Variants in ZNF33B observed in about 807,000 individuals in gnomAD.
The protein encoded by ZNF33B is zinc finger protein 11b (KOX 2).
A neutral mutation model predicts 45.8 loss-of-function variants in ZNF33B; 29 were observed. The observed-to-expected ratio is 0.63, with a 90% CI of 0.47 to 0.86. The LOEUF is 0.86. Among genes scored for constraint, ZNF33B ranks in the 40% least tolerant of loss-of-function variants. The pLI is 0.00. For synonymous variants in ZNF33B, 305 were observed against 307.8 expected (o/e 0.99, Z 0.10); for missense variants, 831 against 909.9 (o/e 0.91, Z 1.12).
chr10:42,584,149 CAGG>C (rs1156525932), downstream of ZNF33B, among the ~76,000 whole-genome samples: 1 of 152,158 alleles, frequency 6.6e-6, no homozygotes, highest in Non-Finnish European at 1.5e-5. Context: ...TGAGTTGTGC[CAGG>C]AGATCTCTCC....
intron 4 of ZNF33B, among the ~76,000 whole-genome samples, chr10:42,612,412 T>G (rs1002246467): frequency 2.0e-5 from 3 of 151,982 alleles, no homozygotes; most frequent in Non-Finnish European, 2.9e-5. Context: ...TATTTGGTAT[T>G]TTTAATAGAG....
intron 1 of ZNF33B, among the ~76,000 whole-genome samples, chr10:42,577,240 A>C (rs1442841897): frequency 6.6e-6 from 1 of 152,022 alleles, no homozygotes; most frequent in Non-Finnish European, 1.5e-5. Context: ...ACCAGAAATG[A>C]AAGTAAACAC....
At chr10:42,605,816 C>T (rs1837818808) in intron 4 of ZNF33B, among the ~76,000 whole-genome samples, 2 of 152,282 alleles carry the variant, frequency 1.3e-5, no homozygotes, top group African/African-American at 4.8e-5. Flanking sequence ...ATAAGGCAGG[C>T]TAGGCATGGT....
intron 4 of ZNF33B, among the ~76,000 whole-genome samples, chr10:42,611,890 C>A (rs189196388): frequency 6.6e-6 from 1 of 152,318 alleles, no homozygotes; most frequent in East Asian, 1.9e-4. Context: ...CATGCCTGTA[C>A]AAACACAGAA....
chr10:42,637,044 TAAG>T (rs1839337980), intron 1 of ZNF33B, 72 bp from the exon 2 acceptor site: 1 of 1,469,586 alleles, frequency 6.8e-7, no homozygotes, highest in Admixed American at 1.8e-5. Flanking sequence ...TCTTCTGCCC[TAAG>T]AAGCCATACA....
At chr10:42,580,626 T>C (rs1323876768) in intron 1 of ZNF33B, among the ~76,000 whole-genome samples, 3 of 151,346 alleles carry the variant, frequency 2.0e-5, no homozygotes, top group Admixed American at 6.6e-5. Context: ...AAAATGGATA[T>C]AAAAATAAAA....
In ZNF33B at chr10:42,593,403, T is replaced by A. The variant is rs750997782; in HGVS notation, c.1547A>T (p.Gln516Leu). The stretch of plus-strand genomic sequence containing the variant: ...AGGTTTCAACCCTGTATGAATTATC[T>A]GATGCCTGGTGAGTACTGACTTGTG... ...FYHKSVLTRH[Q>L]IIHTGLKPYE... The change falls in exon 5 of 5, where the codon CAG (glutamine) becomes CTG (leucine). Residue 516 changes from glutamine to leucine, a missense_variant. Physicochemically the swap from Gln to Leu is moderately radical, Grantham distance 113. Coordinates refer to ENST00000359467, the MANE Select transcript of ZNF33B (RefSeq NM_006955.3). 6.2e-7 allele frequency: 1 copy of A among 1,614,050 alleles called. No homozygotes were observed.
chr10:42,578,257 T>C (rs1242210206), intron 1 of ZNF33B, among the ~76,000 whole-genome samples: 4 of 152,270 alleles, frequency 2.6e-5, no homozygotes, highest in African/African-American at 9.6e-5. Context: ...GGCCAAAAAT[T>C]TGCATGAAGG....
intron 1 of ZNF33B, among the ~76,000 whole-genome samples, chr10:42,575,924 C>T (rs1836743198): frequency 6.7e-6 from 1 of 149,294 alleles, no homozygotes; most frequent in Non-Finnish European, 1.5e-5. Flanking sequence ...TGAAGTCTCG[C>T]TCTTGTCCCC....
intron 4 of ZNF33B, among the ~76,000 whole-genome samples, chr10:42,629,104 C>T (rs1838936673): frequency 6.6e-6 from 1 of 152,184 alleles, no homozygotes; most frequent in Non-Finnish European, 1.5e-5. Context: ...GGTACATATA[C>T]ACAATGGAGT....
chr10:42,618,363 C>A (rs1298756298), intron 4 of ZNF33B, among the ~76,000 whole-genome samples: 2 of 152,140 alleles, frequency 1.3e-5, no homozygotes, highest in Admixed American at 6.5e-5. Context: ...CTGGATTATT[C>A]GGGTTTGGGC....
chr10:42,576,211 ACTCCTGAGCTCAGGCGAT>A (rs1836747822), intron 1 of ZNF33B, among the ~76,000 whole-genome samples: 1 of 151,650 alleles, frequency 6.6e-6, no homozygotes, highest in Admixed American at 6.6e-5. Flanking sequence ...GTGGTCTCGA[ACTCCTGAGCTCAGGCGAT>A]CTGCCCGCCT....
intron 3 of ZNF33B, 52 bp from the exon 4 acceptor site, chr10:42,632,076 C>A (rs766262322): frequency 9.5e-6 from 15 of 1,579,232 alleles, no homozygotes; most frequent in Admixed American, 1.7e-5. Flanking sequence ...AGACTTCAGG[C>A]CTTTGAAGCA....
At chr10:42,602,524 T>A (rs183514786) in intron 4 of ZNF33B, among the ~76,000 whole-genome samples, 1 of 152,264 alleles carries the variant, frequency 6.6e-6, no homozygotes, top group African/African-American at 2.4e-5. Context: ...AGACTGAGAG[T>A]TTTACTTGGT....
At chr10:42,597,476 A>G (rs1228187381) in intron 4 of ZNF33B, among the ~76,000 whole-genome samples, 3 of 152,148 alleles carry the variant, frequency 2.0e-5, no homozygotes, top group Non-Finnish European at 2.9e-5. Flanking sequence ...TTGATTGATC[A>G]TAAGATTTTC....
chr10:42,581,271 A>T (rs1836818989), intron 1 of ZNF33B, among the ~76,000 whole-genome samples: 2 of 152,076 alleles, frequency 1.3e-5, no homozygotes, highest in Admixed American at 1.3e-4. Flanking sequence ...GTTCGAGACC[A>T]GCCTGGCCAA....
chr10:42,580,891 C>CAATAAATA (rs531911819), intron 1 of ZNF33B, among the ~76,000 whole-genome samples: 1 of 151,044 alleles, frequency 6.6e-6, no homozygotes, highest in Non-Finnish European at 1.5e-5. Context: ...GAGACTGTCT[C>CAATAAATA]AATAAATAAA....
At chr10:42,614,106 C>A (rs970970706) in intron 4 of ZNF33B, among the ~76,000 whole-genome samples, 8 of 152,042 alleles carry the variant, frequency 5.3e-5, no homozygotes, top group Admixed American at 5.2e-4. Context: ...GTATGTTTGC[C>A]AAGACATTTA....
intron 1 of ZNF33B, among the ~76,000 whole-genome samples, chr10:42,574,864 C>T (rs1836724773): frequency 6.6e-6 from 1 of 152,144 alleles, no homozygotes; most frequent in Non-Finnish European, 1.5e-5. Flanking sequence ...CCACATTTAT[C>T]TTTCAAATTG....
Sources: gnomAD v4.1 joint callset for allele counts (sites outside exome capture counted in the v4.1 genomes callset) on GRCh38, gnomAD v4.1.1 for gene constraint, MANE v1.5 for transcripts, NCBI Gene and HGNC (gene_info 2026-07-23, HGNC 2026-07-21) for gene names.